MLPH: variants seen among roughly 807,000 people sequenced by gnomAD.
MLPH encodes exophilin-3.
In MLPH, 51 loss-of-function variants were observed where a neutral mutation model predicts 72.1. The ratio of observed to expected loss-of-function variants is 0.71; its 90% CI spans 0.56 to 0.89. MLPH has a LOEUF of 0.89. MLPH is among the 40% of genes least tolerant of loss of function. The probability of loss-of-function intolerance (pLI) is 0.00; values close to 1 mark genes in which losing one functional copy is unlikely to be tolerated. For missense variants in MLPH, 743 were observed against 759.9 expected (o/e 0.98, Z 0.26); for synonymous variants, 301 against 310.1 (o/e 0.97, Z 0.31).
Position 237,540,944 on chromosome 2 carries a change from A to T in MLPH, c.1433A>T (p.Gln478Leu). Residue 478 changes from glutamine to leucine, a missense_variant, in exon 11 of 16, where the codon CAG becomes CTG. By Grantham distance (113) the Gln-to-Leu change is moderately radical (BLOSUM62 -2). Transcript: ENST00000264605. ...GCAGTGACGGCCTCAGAAGTCCAGC[A>T]GGCAGAGAGCGAGGTAGCCCAGAAG... is the stretch of plus-strand genomic sequence containing the variant. ...RVAVTASEVQ[Q>L]AESEVSDIES... 6.2e-7 allele frequency: 1 copy of T among 1,607,044 alleles called. No homozygotes were observed. Among genetic ancestry groups the T allele is most frequent in the East Asian group, 2.2e-5 (1 of 44,776 alleles).
At chr2:237,486,946 G>T (rs57168071), upstream of MLPH, among the ~76,000 whole-genome samples, 1 of 152,204 alleles carries the variant, frequency 6.6e-6, no homozygotes, top group African/African-American at 2.4e-5. Context: ...TCAGCAAGCG[G>T]GTCCCACCGT....
intron 4 of MLPH, chr2:237,518,159 C>G: frequency 1.2e-5 from 4 of 340,368 alleles, no homozygotes; most frequent in East Asian, 7.5e-5. Flanking sequence ...TAGGTGAATA[C>G]ATGGATGGAT....
intron 12 of MLPH, among the ~76,000 whole-genome samples, chr2:237,545,266 C>A (rs895340619): frequency 2.7e-5 from 4 of 149,242 alleles, no homozygotes; most frequent in African/African-American, 5.0e-5. Flanking sequence ...AACACAGCAA[C>A]CCAGTTGAGT....
chr2:237,516,886 AGGATGGATGGTAGGAT>A (rs572485795), intron 4 of MLPH, among the ~76,000 whole-genome samples: 2,129 of 98,474 alleles, frequency 0.022, 24 homozygotes, highest in Middle Eastern at 0.036. Flanking sequence ...GATGGATGGT[AGGATGGATGGTAGGAT>A]GGATGGATGG....
chr2:237,506,385 A>C (rs1261015100), intron 2 of MLPH, among the ~76,000 whole-genome samples: 2 of 152,212 alleles, frequency 1.3e-5, no homozygotes, highest in Non-Finnish European at 2.9e-5. Flanking sequence ...GCCACAGACA[A>C]GAACTCCTCA....
intron 8 of MLPH, among the ~76,000 whole-genome samples, chr2:237,532,167 G>A (rs2080433363): frequency 6.6e-6 from 1 of 152,212 alleles, no homozygotes. Context: ...GGGACCCCAG[G>A]AGGAAGCACT....
chr2:237,525,308 A>G (rs2080278135), intron 6 of MLPH, among the ~76,000 whole-genome samples: 1 of 152,170 alleles, frequency 6.6e-6, no homozygotes, highest in Admixed American at 6.5e-5. Flanking sequence ...CTGTGTCAGG[A>G]GAGTTTTGAT....
At chr2:237,497,504 G>A (rs1436190295) in intron 2 of MLPH, among the ~76,000 whole-genome samples, 1 of 152,222 alleles carries the variant, frequency 6.6e-6, no homozygotes. Flanking sequence ...CACGCATCAG[G>A]TGCAGGTGAC....
chr2:237,542,625 C>G lies in MLPH; in HGVS notation c.1505C>G (p.Pro502Arg). ...AGGGCCGCAGGGCTCACGGTGAAGC[C>G]CTCGGGAAAGCCCCGGAGGAAGTCA... ...ALRAAGLTVK[P>R]SGKPRRKSNL... The change falls in exon 12 of 16, where the codon CCC becomes CGC. Residue 502 changes from proline (P) to arginine (R), a missense_variant. Pro to Arg is a moderately radical substitution (Grantham distance 103, BLOSUM62 -2). Transcript: ENST00000264605. 6.3e-7 allele frequency: 1 copy of G among 1,599,326 alleles called. No homozygotes were observed.
rs868640892 is a variant in MLPH, at chr2:237,493,017, G to A, written c.-24-386G>A. 4.6e-5 allele frequency among the ~76,000 whole-genome samples: 7 copies of A among 152,260 alleles called. No homozygotes were observed. In the South Asian group the frequency reaches 6.2e-4, roughly 14 times the overall value. On this transcript the variant is annotated intron_variant, in intron 1 of 15. Coordinates refer to ENST00000264605, the MANE Select transcript of MLPH (RefSeq NM_024101.7). ...TTCCCTCTCCCAAGAAACTTAAGGC[G>A]AGAAGCCTCAGGAATGGCGCATTTC...
chr2:237,495,803 G>A (rs965675809), intron 2 of MLPH, among the ~76,000 whole-genome samples: 3 of 152,262 alleles, frequency 2.0e-5, no homozygotes, highest in African/African-American at 7.2e-5. Flanking sequence ...GGCCATGGCC[G>A]GCCACGACCA....
intron 9 of MLPH, among the ~76,000 whole-genome samples, chr2:237,536,065 G>A (rs1390177120): frequency 6.6e-6 from 1 of 152,180 alleles, no homozygotes; most frequent in Non-Finnish European, 1.5e-5. Context: ...TCACTCCGCA[G>A]GACGCTCCTT....
In MLPH at chr2:237,534,576, A is replaced by C; in HGVS notation, c.1033A>C (p.Asn345His). Residue 345 changes from asparagine (N) to histidine (H), a missense_variant, in exon 9 of 16, where the codon AAT (asparagine) becomes CAT (histidine). Physicochemically the swap from Asn to His is moderately conservative, Grantham distance 68. Coordinates refer to ENST00000264605, the MANE Select transcript of MLPH (RefSeq NM_024101.7). ...ASSESQIFELNKHISAVECLL... is the reference protein window; with the variant it reads ...ASSESQIFELHKHISAVECLL... ...CCTTCTGCTGCAGATCTTTGAGCTG[A>C]ATAAGCATATTTCAGCTGTGGAATG... The C allele has an allele frequency of 6.2e-7, 1 of 1,613,634 alleles. No homozygotes were observed. The highest frequency in any genetic ancestry group is 8.5e-7 in the Non-Finnish European group (1 of 1,179,726).
Position 237,553,920 on chromosome 2 carries a change from A to C in MLPH, c.*328A>C. ...GAAGACCTTTATACTGTGATCTTTT[A>C]CCCCTTTCACTCTTGGCTTTCTTAT... On this transcript the variant is annotated 3_prime_UTR_variant, in exon 16 of 16. Transcript: ENST00000264605. 2.1e-6 allele frequency: 1 copy of C among 472,786 alleles called. No individual in the cohort carries two copies. The highest frequency in any genetic ancestry group is 3.9e-6 in the Non-Finnish European group (1 of 253,596). The allele number at this position is 472,786 out of a possible 1,614,324, so 29.3% of individuals were successfully genotyped here. A position where few individuals can be genotyped will look rare whatever the true frequency, so the allele number is the denominator to read the frequency against.
chr2:237,489,067 G>A (rs80298463), intron 1 of MLPH, among the ~76,000 whole-genome samples: 4,035 of 152,282 alleles, frequency 0.026, 134 homozygotes, highest in African/African-American at 0.078. Context: ...CCATGGTACA[G>A]ATGGGGAAAC....
intron 13 of MLPH, among the ~76,000 whole-genome samples, chr2:237,547,886 G>T (rs2080952243): frequency 6.6e-6 from 1 of 152,156 alleles, no homozygotes; most frequent in South Asian, 2.1e-4. Context: ...GGTAGGATGA[G>T]AGGTACCATG....
At chr2:237,527,316 A>T (rs770892753) in intron 7 of MLPH, 61 bp from the exon 8 acceptor site, 2 of 1,603,858 alleles carry the variant, frequency 1.2e-6, no homozygotes, top group South Asian at 2.2e-5. Flanking sequence ...ATTGGACTAA[A>T]CACGTCCATC....
intron 6 of MLPH, among the ~76,000 whole-genome samples, chr2:237,524,763 GCCAGGC>G (rs144000832): frequency 1.3e-5 from 2 of 152,030 alleles, no homozygotes; most frequent in Non-Finnish European, 2.9e-5. Flanking sequence ...TGGGCACAGA[GCCAGGC>G]CCAGGCCCAG....
chr2:237,524,302 AATAT>A (rs139706602), intron 6 of MLPH, among the ~76,000 whole-genome samples: 5 of 127,352 alleles, frequency 3.9e-5, no homozygotes, highest in African/African-American at 2.1e-4. Context: ...GAACTAATAG[AATAT>A]ATATATATAT....
Sources: gnomAD v4.1 joint callset for allele counts (sites outside exome capture counted in the v4.1 genomes callset) on GRCh38, gnomAD v4.1.1 for gene constraint, MANE v1.5 for transcripts, NCBI Gene and HGNC (gene_info 2026-07-23, HGNC 2026-07-21) for gene names.